Variants in TASP1 observed in about 807,000 individuals in gnomAD.
TASP1 encodes taspase 1.
TASP1 carries 16 observed loss-of-function variants against 56.6 expected under a neutral mutation model. That is an observed-to-expected ratio of 0.28 (90% CI 0.19 to 0.43). The LOEUF (loss-of-function observed/expected upper bound fraction) is 0.43. TASP1 is among the 20% of genes least tolerant of loss of function. The pLI, the probability that TASP1 is intolerant of heterozygous loss-of-function variation, is 1.00. For synonymous variants in TASP1, 179 were observed against 184.2 expected (o/e 0.97, Z 0.23); for missense variants, 393 against 511.6 (o/e 0.77, Z 2.24).
intron 6 of TASP1, among the ~76,000 whole-genome samples, chr20:13,570,918 A>G (rs144209264): frequency 2.2e-4 from 34 of 152,258 alleles, no homozygotes; most frequent in African/African-American, 7.7e-4. Context: ...AATTCTGTTC[A>G]TGAGAAGATG....
chr20:13,218,309 G>C, the TASP1 span, among the ~76,000 whole-genome samples: 1 of 151,742 alleles, frequency 6.6e-6, no homozygotes, highest in South Asian at 2.1e-4. Context: ...AGTGTGTGCA[G>C]ATAATCACTC....
At chr20:13,218,587 C>T in the TASP1 span, among the ~76,000 whole-genome samples, 1 of 152,184 alleles carries the variant, frequency 6.6e-6, no homozygotes, top group Non-Finnish European at 1.5e-5. Flanking sequence ...GTGCTCTGGA[C>T]GCTCTGCTGA....
At chr20:13,132,572 C>A in the TASP1 span, among the ~76,000 whole-genome samples, 2 of 152,174 alleles carry the variant, frequency 1.3e-5, no homozygotes, top group African/African-American at 4.8e-5. Context: ...TCCAGGAGAA[C>A]AAGCACTTTG....
the TASP1 span, chr20:13,221,960 T>G: frequency 7.7e-7 from 1 of 1,301,824 alleles, no homozygotes; most frequent in Non-Finnish European, 9.7e-7. Context: ...CGGGGACGGT[T>G]TGTGGGGCGG....
At chr20:13,262,866 G>C in the TASP1 span, among the ~76,000 whole-genome samples, 1 of 152,158 alleles carries the variant, frequency 6.6e-6, no homozygotes, top group Non-Finnish European at 1.5e-5. Context: ...TCTAAAGCCT[G>C]AGATAATAAA....
At chr20:13,109,061 G>C in the TASP1 span, among the ~76,000 whole-genome samples, 1 of 151,988 alleles carries the variant, frequency 6.6e-6, no homozygotes, top group African/African-American at 2.4e-5. Flanking sequence ...TTTCTTGCTA[G>C]GCTTAAATGT....
intron 8 of TASP1, among the ~76,000 whole-genome samples, chr20:13,545,806 G>A (rs1052077550): frequency 6.6e-6 from 1 of 152,016 alleles, no homozygotes; most frequent in Non-Finnish European, 1.5e-5. Flanking sequence ...GAAAACCTAC[G>A]GTGCAACCAA....
chr20:13,563,271 G>A (rs993585457), intron 7 of TASP1, among the ~76,000 whole-genome samples: 2 of 151,596 alleles, frequency 1.3e-5, no homozygotes, highest in African/African-American at 4.9e-5. Context: ...CCAATAACTA[G>A]TAAGGAGATT....
chr20:13,174,216 C>T, the TASP1 span, among the ~76,000 whole-genome samples: 3 of 152,104 alleles, frequency 2.0e-5, no homozygotes, highest in Admixed American at 1.3e-4. Context: ...TTCATCACAT[C>T]CCATGGGCAT....
the TASP1 span, among the ~76,000 whole-genome samples, chr20:13,187,611 G>C: frequency 6.6e-6 from 1 of 151,740 alleles, no homozygotes; most frequent in Non-Finnish European, 1.5e-5. Flanking sequence ...AGCTGGGCGT[G>C]GTAGCGCACA....
At chr20:13,359,103 C>A in the TASP1 span, among the ~76,000 whole-genome samples, 1 of 147,554 alleles carries the variant, frequency 6.8e-6, no homozygotes, top group African/African-American at 2.6e-5. Context: ...TCTCTGCACC[C>A]CAATCGCTTA....
At chr20:13,489,908 T>A (rs2043462861) in intron 10 of TASP1, among the ~76,000 whole-genome samples, 1 of 152,214 alleles carries the variant, frequency 6.6e-6, no homozygotes, top group Admixed American at 6.5e-5. Context: ...ATACCATATG[T>A]TCTTTATTCA....
the TASP1 span, among the ~76,000 whole-genome samples, chr20:13,158,122 A>C: frequency 6.6e-6 from 1 of 152,304 alleles, no homozygotes; most frequent in Middle Eastern, 3.4e-3. Context: ...TCCCCTGTTC[A>C]TGTAATACAC....
chr20:13,635,387 C>CTTTTTT (rs34767488), intron 1 of TASP1, among the ~76,000 whole-genome samples: 1 of 129,284 alleles, frequency 7.7e-6, no homozygotes. Context: ...TCAGCAATTT[C>CTTTTTT]TTTTTTTTTT....
intron 11 of TASP1, among the ~76,000 whole-genome samples, chr20:13,470,898 C>T (rs2044465160): frequency 6.6e-6 from 1 of 152,194 alleles, no homozygotes; most frequent in Non-Finnish European, 1.5e-5. Flanking sequence ...ACTGTAAATA[C>T]ATTGCAATCC....
the TASP1 span, among the ~76,000 whole-genome samples, chr20:13,247,924 A>G: frequency 2.8e-4 from 43 of 152,324 alleles, no homozygotes; most frequent in African/African-American, 9.9e-4. Context: ...TTCATGCAAC[A>G]GGAGTGGTCT....
chr20:13,540,281 A>G (rs6079095), intron 8 of TASP1, among the ~76,000 whole-genome samples: 58,844 of 152,050 alleles, frequency 0.39, 11,821 homozygotes, highest in Non-Finnish European at 0.44. Flanking sequence ...GTCCAATTTG[A>G]CTTATTTGTC....
chr20:13,149,715 G>C, the TASP1 span, among the ~76,000 whole-genome samples: 1 of 152,344 alleles, frequency 6.6e-6, no homozygotes, highest in African/African-American at 2.4e-5. Context: ...GATACCCCTG[G>C]ATATCATCTG....
At chr20:13,569,839 CATA>C (rs1304044180) in intron 6 of TASP1, among the ~76,000 whole-genome samples, 1 of 152,038 alleles carries the variant, frequency 6.6e-6, no homozygotes, top group Admixed American at 6.5e-5. Flanking sequence ...CAAACTCAAA[CATA>C]ATAAGATGTA....
Sources: gnomAD v4.1 joint callset for allele counts (sites outside exome capture counted in the v4.1 genomes callset) on GRCh38, gnomAD v4.1.1 for gene constraint, MANE v1.5 for transcripts, NCBI Gene and HGNC (gene_info 2026-07-23, HGNC 2026-07-21) for gene names.